Variants in NOC4L observed in about 807,000 individuals in gnomAD.
The protein encoded by NOC4L is nucleolar complex protein 4 homolog.
Under a neutral mutation model 62.8 loss-of-function variants are expected in NOC4L, and 40 were observed. That is an observed-to-expected ratio of 0.64 (90% CI 0.49 to 0.83). The LOEUF (loss-of-function observed/expected upper bound fraction) is 0.83. Among genes scored for constraint, NOC4L ranks in the 40% least tolerant of loss-of-function variants. The probability of loss-of-function intolerance (pLI) is 0.00; values close to 1 mark genes in which losing one functional copy is unlikely to be tolerated. For synonymous variants in NOC4L, 433 were observed against 299.8 expected (o/e 1.44, Z -4.59); for missense variants, 927 against 701.9 (o/e 1.32, Z -3.62).
chr12:132,144,793 C>T, intron 1 of NOC4L, 61 bp from the exon 2 acceptor site: 1 of 1,561,588 alleles, frequency 6.4e-7, no homozygotes, highest in Non-Finnish European at 8.6e-7. Context: ...TTGGGGGCAG[C>T]CTAGGCAGGG....
rs1210743670 is a variant in NOC4L, at chr12:132,151,574, G to A, written c.1164G>A (p.Leu388=). 1 of 1,610,952 alleles carries A rather than the reference G, an allele frequency of 6.2e-7. No individual in the cohort carries two copies. Among genetic ancestry groups the A allele is most frequent in the Non-Finnish European group, 8.5e-7 (1 of 1,179,412 alleles). The part of the protein sequence containing the change: ...TAPPEALLMV[L]PFICNLLRRH... ...CCCCTGAGGCCCTGCTCATGGTCCTGCCTTTCATCTGTAACCTGCTGCGCC... is the reference window on the plus strand; with the variant it reads ...CCCCTGAGGCCCTGCTCATGGTCCTACCTTTCATCTGTAACCTGCTGCGCC... The change falls in exon 12 of 15, where the codon CTG becomes CTA. Residue 388 remains leucine (L), a synonymous_variant. Transcript: ENST00000330579.
At chr12:132,145,916 G>A (rs1457439445) in intron 3 of NOC4L, among the ~76,000 whole-genome samples, 4 of 152,174 alleles carry the variant, frequency 2.6e-5, no homozygotes, top group Non-Finnish European at 5.9e-5. Flanking sequence ...CATAGAGCAC[G>A]CACACCAAGC....
At chr12:132,144,768 G>A (rs967642589) in intron 1 of NOC4L, 86 bp from the exon 2 acceptor site, 1 of 1,519,650 alleles carries the variant, frequency 6.6e-7, no homozygotes, top group Non-Finnish European at 8.8e-7. Flanking sequence ...GCGTCCCGAG[G>A]GGGAAGGGAA....
rs1326683923 is a variant in NOC4L at position 132,147,337 on chromosome 12, G to A, written c.402G>A (p.Leu134=). 6.3e-7 allele frequency: 1 copy of A among 1,596,224 alleles called. No homozygotes were observed. The highest frequency in any genetic ancestry group is 1.3e-5 in the African/African-American group (1 of 74,690). ...TGCAGCTGGAAGGAGCGCACCCCCT[G>A]GAGAAGTCCAAGTGGGAAGGCAACT... is the stretch of plus-strand genomic sequence containing the variant. The part of the protein sequence containing the change: ...KFVQLEGAHP[L]EKSKWEGNYL... Residue 134 remains leucine (L), a synonymous_variant, in exon 4 of 15, where the codon CTG becomes CTA. Coordinates refer to ENST00000330579, the MANE Select transcript of NOC4L (RefSeq NM_024078.3).
chr12:132,144,805 C>T (rs1188677137), intron 1 of NOC4L, 49 bp from the exon 2 acceptor site: 2 of 1,573,908 alleles, frequency 1.3e-6, no homozygotes, highest in Non-Finnish European at 8.6e-7. Context: ...TAGGCAGGGG[C>T]GAAGGTGACA....
At position 132,144,480 on chromosome 12, in the gene NOC4L, G is replaced by GGGGGCGGCAT; in HGVS notation, c.-6_4dup. ...CTGAGAATCCGCGTTGTTCCGTGTT[G>GGGGGCGGCAT]GGGGCGGCATGGAGCGGGAGCCGGG... On this transcript the variant is annotated 5_prime_UTR_variant, in exon 1 of 15. The change creates a new upstream start codon in the 5' untranslated region. Coordinates refer to ENST00000330579, the MANE Select transcript of NOC4L (RefSeq NM_024078.3). The GGGGGCGGCAT allele has an allele frequency of 6.6e-7, 1 of 1,520,232 alleles. No homozygotes were observed. The highest frequency in any genetic ancestry group is 1.2e-5 in the South Asian group (1 of 80,264). 94.2% of individuals were successfully genotyped at this position (1,520,232 alleles called of 1,614,324 possible).
chr12:132,151,227 C>A (rs1398007516), intron 10 of NOC4L, 31 bp from the exon 11 acceptor site: 5 of 1,575,118 alleles, frequency 3.2e-6, no homozygotes, highest in African/African-American at 1.3e-5. Context: ...GGGCCCTGCT[C>A]CATCCGCTGC....
intron 2 of NOC4L, 80 bp downstream of exon 2, chr12:132,145,054 C>G (rs1254251981): frequency 1.3e-6 from 2 of 1,493,184 alleles, no homozygotes; most frequent in African/African-American, 1.4e-5. Context: ...GATGAGCGCC[C>G]CCAACCCTGG....
intron 2 of NOC4L, among the ~76,000 whole-genome samples, chr12:132,145,212 TTTTG>T (rs1366899607): frequency 6.6e-6 from 1 of 152,212 alleles, no homozygotes; most frequent in East Asian, 1.9e-4. Context: ...TTTGCACCCC[TTTTG>T]TAATTTGATG....
At position 132,151,005 on chromosome 12, in the gene NOC4L, T is replaced by C. The variant is rs767523244; in HGVS notation, c.926T>C (p.Leu309Ser). 34 of 1,611,118 alleles carry C rather than the reference T, an allele frequency of 2.1e-5. No individual in the cohort carries two copies. The highest frequency in any genetic ancestry group is 2.9e-5 in the Non-Finnish European group (34 of 1,179,190). ...GGGGGGGCCCTCAGCCTCTTGGCCTTGAACGGGCTGTTCATCTTGATTCAC... is the reference window on the plus strand; with the variant it reads ...GGGGGGGCCCTCAGCCTCTTGGCCTCGAACGGGCTGTTCATCTTGATTCAC... Reference protein sequence around the residue: ...DLGGALSLLALNGLFILIHKH... With the variant: ...DLGGALSLLASNGLFILIHKH... The change falls in exon 10 of 15, where the codon TTG becomes TCG. Residue 309 changes from leucine (L) to serine (S), a missense_variant. Physicochemically the swap from Leu to Ser is moderately radical, Grantham distance 145. Transcript: ENST00000330579.
At chr12:132,151,973 G>A (rs572178621) in intron 13 of NOC4L, 111 bp from the exon 14 acceptor site, 103 of 1,260,446 alleles carry the variant, frequency 8.2e-5, no homozygotes, top group South Asian at 6.8e-4. Flanking sequence ...GCCTTCTCAC[G>A]TGGCTCCGTC....
chr12:132,148,722 C>T (rs1397803298), intron 8 of NOC4L, 62 bp from the exon 9 acceptor site: 2 of 1,396,662 alleles, frequency 1.4e-6, no homozygotes, highest in Non-Finnish European at 1.9e-6. Context: ...GCGGAGGCCT[C>T]ACCCCGACCC....
Position 132,147,268 on chromosome 12 carries a change from GCCCCCT to G in NOC4L, c.346-12_346-7del. The G allele has an allele frequency of 6.6e-7, 1 of 1,513,850 alleles. No homozygotes were observed. The highest frequency in any genetic ancestry group is 8.8e-7 in the Non-Finnish European group (1 of 1,129,976). 93.8% of individuals were successfully genotyped at this position (1,513,850 alleles called of 1,614,324 possible). On this transcript the variant is annotated splice_polypyrimidine_tract_variant and splice_region_variant and intron_variant, in intron 3 of 14. Transcript: ENST00000330579. ...GAGGGCATCACAGCCACCCTGCACT[GCCCCCT>G]TCCCAGGAGCTGGCCCTCAGCGCAC...
chr12:132,148,747 AC>A, intron 8 of NOC4L, 36 bp from the exon 9 acceptor site: 3 of 94,710 alleles, frequency 3.2e-5, no homozygotes, highest in Non-Finnish European at 4.4e-5. Flanking sequence ...GCCCCCGCCC[AC>A]CCGCCCCTCA....
At chr12:132,148,727 C>CG in intron 8 of NOC4L, 57 bp from the exon 9 acceptor site, 5 of 1,387,884 alleles carry the variant, frequency 3.6e-6, no homozygotes, top group South Asian at 1.4e-5. Flanking sequence ...GGCCTCACCC[C>CG]GACCCGCCGG....
At chr12:132,151,901 C>A in intron 13 of NOC4L, 81 bp downstream of exon 13, 1 of 1,412,120 alleles carries the variant, frequency 7.1e-7, no homozygotes, top group Non-Finnish European at 9.8e-7. Context: ...CGTGCCACCT[C>A]CCGCATAGCC....
chr12:132,144,675 G>C (rs1897639519), intron 1 of NOC4L, 70 bp downstream of exon 1: 4 of 1,454,690 alleles, frequency 2.7e-6, no homozygotes, highest in Non-Finnish European at 3.6e-6. Context: ...GGCTGCGGCG[G>C]CAGGTCCCCA....
intron 12 of NOC4L, 43 bp downstream of exon 12, chr12:132,151,687 G>C: frequency 6.2e-7 from 1 of 1,611,834 alleles, no homozygotes. Context: ...AGCTGGGGCG[G>C]GGGTGCCTGG....
At chr12:132,147,173 T>A in intron 3 of NOC4L, 108 bp from the exon 4 acceptor site, 1 of 822,972 alleles carries the variant, frequency 1.2e-6, no homozygotes. Flanking sequence ...CCGGCCGCCC[T>A]TTTCTCAGCT....
Sources: gnomAD v4.1 joint callset for allele counts (sites outside exome capture counted in the v4.1 genomes callset) on GRCh38, gnomAD v4.1.1 for gene constraint, MANE v1.5 for transcripts, NCBI Gene and HGNC (gene_info 2026-07-23, HGNC 2026-07-21) for gene names.